Variants in SPATA6 observed in about 807,000 individuals in gnomAD.
SPATA6 encodes spermatogenesis associated 6.
In SPATA6, 56 loss-of-function variants were observed where a neutral mutation model predicts 65.3. The observed-to-expected ratio is 0.86, with a 90% CI of 0.69 to 1.07. The LOEUF (loss-of-function observed/expected upper bound fraction) is 1.07. SPATA6 is among the 50% of genes least tolerant of loss of function. The pLI is 0.00. For synonymous variants in SPATA6, 199 were observed against 213.2 expected, an observed-to-expected ratio of 0.93 and a Z score of 0.58; for missense variants, 590 against 594.8, an observed-to-expected ratio of 0.99 and a Z score of 0.08.
At chr1:48,283,348 AAAT>A in the SPATA6 span, among the ~76,000 whole-genome samples, 1 of 122,924 alleles carries the variant, frequency 8.1e-6, no homozygotes, top group African/African-American at 3.6e-5. Flanking sequence ...ATAAAATAAA[AAAT>A]AAAAAAAATT....
intron 3 of SPATA6, among the ~76,000 whole-genome samples, chr1:48,418,153 T>C (rs1652956283): frequency 2.6e-5 from 4 of 152,176 alleles, no homozygotes; most frequent in Admixed American, 1.3e-4. Context: ...TTATCATAGA[T>C]CACTGGATAA....
At chr1:48,471,316 C>T (rs1362198974) in intron 1 of SPATA6, among the ~76,000 whole-genome samples, 2 of 152,110 alleles carry the variant, frequency 1.3e-5, no homozygotes, top group Non-Finnish European at 2.9e-5. Flanking sequence ...CTTGCAATGG[C>T]TGGCACAAAG....
At chr1:48,470,660 G>C (rs1658169812) in intron 1 of SPATA6, among the ~76,000 whole-genome samples, 1 of 152,066 alleles carries the variant, frequency 6.6e-6, no homozygotes, top group South Asian at 2.1e-4. Flanking sequence ...GATTTTCCTA[G>C]GGGTTTAAGT....
At chr1:48,316,454 T>C (rs1447266917) in intron 11 of SPATA6, among the ~76,000 whole-genome samples, 4 of 152,146 alleles carry the variant, frequency 2.6e-5, no homozygotes, top group Non-Finnish European at 5.9e-5. Context: ...ATTTAATAAA[T>C]AGTGCTGGGA....
At chr1:48,436,129 G>A (rs1654919118) in intron 3 of SPATA6, 4 of 1,610,260 alleles carry the variant, frequency 2.5e-6, no homozygotes, top group Admixed American at 1.7e-5. Flanking sequence ...TTCCACCAAC[G>A]TTTCTCACTA....
At chr1:48,288,428 A>G in the SPATA6 span, among the ~76,000 whole-genome samples, 1 of 152,232 alleles carries the variant, frequency 6.6e-6, no homozygotes, top group South Asian at 2.1e-4. Flanking sequence ...CTGATGCAGA[A>G]GACAGGTGAT....
intron 12 of SPATA6, among the ~76,000 whole-genome samples, chr1:48,301,133 G>A (rs1644927108): frequency 6.6e-6 from 1 of 151,962 alleles, no homozygotes; most frequent in Admixed American, 6.6e-5. Flanking sequence ...GTTTTATTTA[G>A]AAAAACATAA....
chr1:48,394,267 A>C (rs2147906606), intron 8 of SPATA6, among the ~76,000 whole-genome samples: 1 of 152,236 alleles, frequency 6.6e-6, no homozygotes, highest in Middle Eastern at 3.4e-3. Flanking sequence ...GTTATTAGAA[A>C]CCACAACAGT....
chr1:48,463,464 A>C (rs914475400), intron 1 of SPATA6, among the ~76,000 whole-genome samples: 1 of 152,216 alleles, frequency 6.6e-6, no homozygotes, highest in African/African-American at 2.4e-5. Flanking sequence ...CATAATAAAA[A>C]TTATAAAATA....
intron 11 of SPATA6, among the ~76,000 whole-genome samples, chr1:48,318,913 G>A (rs1399869490): frequency 6.6e-6 from 1 of 152,078 alleles, no homozygotes; most frequent in Non-Finnish European, 1.5e-5. Context: ...ATAGCATAAG[G>A]ACAGATATAT....
At chr1:48,442,512 C>A (rs1228215572) in intron 3 of SPATA6, among the ~76,000 whole-genome samples, 1 of 150,212 alleles carries the variant, frequency 6.7e-6, no homozygotes, top group Non-Finnish European at 1.5e-5. Context: ...CAGGGAAAGA[C>A]CAGCAGAAAG....
chr1:48,408,208 C>T (rs1161559429), intron 5 of SPATA6, among the ~76,000 whole-genome samples: 1 of 152,204 alleles, frequency 6.6e-6, no homozygotes, highest in Admixed American at 6.5e-5. Flanking sequence ...TCAACACTCT[C>T]CTTATTCGGA....
downstream of SPATA6, among the ~76,000 whole-genome samples, chr1:48,291,788 C>A (rs982218068): frequency 1.2e-4 from 18 of 152,176 alleles, no homozygotes; most frequent in African/African-American, 3.9e-4. Flanking sequence ...GGTGTTCCTG[C>A]AGTAGTTCTA....
intron 9 of SPATA6, among the ~76,000 whole-genome samples, chr1:48,364,122 G>C (rs1459380147): frequency 6.6e-6 from 1 of 152,148 alleles, no homozygotes; most frequent in African/African-American, 2.4e-5. Context: ...CCCTACAAAG[G>C]ACATGAACTC....
intron 12 of SPATA6, among the ~76,000 whole-genome samples, chr1:48,299,960 G>C (rs78271588): frequency 0.012 from 1,862 of 152,238 alleles, 46 homozygotes; most frequent in African/African-American, 0.043. Context: ...AGGCAGAAGA[G>C]TTTGAAGTGA....
At chr1:48,304,482 A>AT (rs1373651004) in intron 12 of SPATA6, among the ~76,000 whole-genome samples, 7 of 152,160 alleles carry the variant, frequency 4.6e-5, no homozygotes, top group African/African-American at 1.7e-4. Flanking sequence ...CTACATTAGA[A>AT]TTACCCATGA....
At chr1:48,444,169 T>A (rs904956748) in intron 3 of SPATA6, among the ~76,000 whole-genome samples, 1 of 152,172 alleles carries the variant, frequency 6.6e-6, no homozygotes, top group African/African-American at 2.4e-5. Flanking sequence ...TAAAGGATTG[T>A]AAATGCACCA....
At chr1:48,469,829 GTTGT>G (rs776656189) in intron 1 of SPATA6, among the ~76,000 whole-genome samples, 3 of 151,980 alleles carry the variant, frequency 2.0e-5, no homozygotes, top group East Asian at 1.9e-4. Context: ...GGTCAGGGGC[GTTGT>G]TTGTTTGCTC....
At chr1:48,404,088 G>GTGAT (rs1651447816) in intron 5 of SPATA6, among the ~76,000 whole-genome samples, 1 of 152,078 alleles carries the variant, frequency 6.6e-6, no homozygotes, top group African/African-American at 2.4e-5. Context: ...TCCATCATGA[G>GTGAT]TGATTATATT....
Sources: gnomAD v4.1 joint callset for allele counts (sites outside exome capture counted in the v4.1 genomes callset) on GRCh38, gnomAD v4.1.1 for gene constraint, MANE v1.5 for transcripts, NCBI Gene and HGNC (gene_info 2026-07-23, HGNC 2026-07-21) for gene names.